Variants in PSD3 observed in about 807,000 individuals in gnomAD.
The protein encoded by PSD3 is pleckstrin and Sec7 domain containing 3.
PSD3 carries 49 observed loss-of-function variants against 105.5 expected under a neutral mutation model. The observed-to-expected ratio is 0.46, with a 90% CI of 0.37 to 0.59. The LOEUF (loss-of-function observed/expected upper bound fraction) is 0.59. PSD3 is among the 20% of genes least tolerant of loss of function. The pLI is 0.00. For synonymous variants in PSD3, 557 were observed against 457.8 expected (o/e 1.22, Z -2.77); for missense variants, 1,561 against 1,263.8 (o/e 1.24, Z -3.57).
intron 8 of PSD3, among the ~76,000 whole-genome samples, chr8:18,776,041 T>C (rs1808039425): frequency 6.6e-6 from 1 of 152,034 alleles, no homozygotes; most frequent in African/African-American, 2.4e-5. Context: ...AAGTTAAGAG[T>C]CTAGTTTGAT....
intron 1 of PSD3, among the ~76,000 whole-genome samples, chr8:19,060,529 G>C (rs1290042862): frequency 6.6e-6 from 1 of 152,132 alleles, no homozygotes; most frequent in African/African-American, 2.4e-5. Context: ...AGCTACTCAG[G>C]AGGCTGAGAC....
chr8:18,556,392 A>C (rs1176533758), intron 14 of PSD3, 40 bp from the exon 15 acceptor site: 3 of 1,588,966 alleles, frequency 1.9e-6, no homozygotes, highest in South Asian at 1.2e-5. Context: ...TCAAAAAAAA[A>C]ACAAGTCAAT....
intron 1 of PSD3, among the ~76,000 whole-genome samples, chr8:18,984,627 T>C (rs2129473002): frequency 6.6e-6 from 1 of 152,358 alleles, no homozygotes; most frequent in Admixed American, 6.5e-5. Flanking sequence ...TTGTGAATTT[T>C]GTAGTCTTAC....
chr8:18,852,052 T>G (rs889168401), intron 4 of PSD3, among the ~76,000 whole-genome samples: 1 of 152,172 alleles, frequency 6.6e-6, no homozygotes, highest in Non-Finnish European at 1.5e-5. Flanking sequence ...AACACTGAAT[T>G]AAATGTAAGA....
intron 2 of PSD3, among the ~76,000 whole-genome samples, chr8:18,906,228 G>A (rs1389424227): frequency 4.6e-5 from 7 of 152,060 alleles, no homozygotes; most frequent in Non-Finnish European, 1.0e-4. Flanking sequence ...TCAAATATCT[G>A]GGTGCTCCAG....
intron 8 of PSD3, among the ~76,000 whole-genome samples, chr8:18,783,140 G>A (rs557102763): frequency 1.3e-5 from 2 of 152,234 alleles, no homozygotes; most frequent in South Asian, 2.1e-4. Context: ...TTCTTTGTAG[G>A]AAGTTTTCTG....
At chr8:18,985,987 G>C (rs1045184656) in intron 1 of PSD3, among the ~76,000 whole-genome samples, 14 of 152,130 alleles carry the variant, frequency 9.2e-5, no homozygotes, top group African/African-American at 2.9e-4. Flanking sequence ...TAAAGACCAA[G>C]ATTACAGTTG....
chr8:18,622,223 A>G (rs1294110267), intron 11 of PSD3, among the ~76,000 whole-genome samples: 1 of 152,248 alleles, frequency 6.6e-6, no homozygotes, highest in African/African-American at 2.4e-5. Context: ...TCTATAAAAG[A>G]ATGTGATTAA....
At chr8:18,609,905 A>G (rs1805124477) in intron 11 of PSD3, among the ~76,000 whole-genome samples, 1 of 152,228 alleles carries the variant, frequency 6.6e-6, no homozygotes, top group Non-Finnish European at 1.5e-5. Context: ...AATCAAGTCC[A>G]AGCTGAGCAA....
chr8:18,842,068 C>G (rs1034709739), intron 4 of PSD3, among the ~76,000 whole-genome samples: 1 of 152,132 alleles, frequency 6.6e-6, no homozygotes, highest in African/African-American at 2.4e-5. Context: ...TCACCATCTT[C>G]CCATGTTAAC....
At chr8:18,840,283 G>A (rs1188690013) in intron 4 of PSD3, among the ~76,000 whole-genome samples, 3 of 152,176 alleles carry the variant, frequency 2.0e-5, no homozygotes, top group African/African-American at 7.2e-5. Context: ...TGTGTGGGGT[G>A]CATTAAACCA....
At position 18,949,221 on chromosome 8, in the gene PSD3, C is replaced by CAAAAA. The variant is rs1213755572; in HGVS notation, c.22-13084_22-13080dup. Among the ~76,000 whole-genome samples, 39 of 11,890 alleles carry CAAAAA rather than the reference C, an allele frequency of 3.3e-3. 3 individuals are homozygous for CAAAAA. Among genetic ancestry groups the CAAAAA allele is most frequent in the South Asian group, 9.4e-3 (1 of 106 alleles). The allele number at this position is 11,890 out of a possible 152,430, so 7.8% of individuals were successfully genotyped here. A position where few individuals can be genotyped will look rare whatever the true frequency, so the allele number is the denominator to read the frequency against. ...TGGGCTACAGATCGAGACTCTGTCT[C>CAAAAA]AAAAAAAAAAAAAAAAAAAAAAAAT... is the stretch of plus-strand genomic sequence containing the variant. On this transcript the variant is annotated intron_variant, in intron 1 of 15. Coordinates refer to ENST00000327040, the MANE Select transcript of PSD3 (RefSeq NM_015310.4).
At chr8:18,830,319 CT>C (rs949295213) in intron 4 of PSD3, among the ~76,000 whole-genome samples, 9 of 152,322 alleles carry the variant, frequency 5.9e-5, no homozygotes, top group African/African-American at 1.9e-4. Context: ...ATATTAAAGC[CT>C]TTAGGTCCTA....
intron 14 of PSD3, among the ~76,000 whole-genome samples, chr8:18,566,396 G>A (rs1177973088): frequency 1.3e-5 from 2 of 151,656 alleles, no homozygotes; most frequent in Admixed American, 6.6e-5. Context: ...TATGGTGGCG[G>A]GCGCCTGTAA....
intron 2 of PSD3, among the ~76,000 whole-genome samples, chr8:18,902,693 A>G (rs1200098088): frequency 1.3e-5 from 2 of 152,168 alleles, no homozygotes; most frequent in Non-Finnish European, 2.9e-5. Flanking sequence ...GTAGGGTTTT[A>G]CTGTGCTGGT....
chr8:18,691,694 G>A (rs796470336), intron 9 of PSD3, among the ~76,000 whole-genome samples: 3 of 152,102 alleles, frequency 2.0e-5, no homozygotes, highest in East Asian at 1.9e-4. Context: ...CAATAAGCCC[G>A]TCCATAATTA....
chr8:18,556,112 C>T, intron 15 of PSD3, 97 bp downstream of exon 15: 1 of 1,400,640 alleles, frequency 7.1e-7, no homozygotes, highest in South Asian at 1.5e-5. Flanking sequence ...GCAAGACACG[C>T]CTCTCTCAGT....
chr8:18,625,660 G>A (rs147992326), intron 11 of PSD3, among the ~76,000 whole-genome samples: 2 of 152,270 alleles, frequency 1.3e-5, no homozygotes, highest in East Asian at 3.9e-4. Flanking sequence ...CATCGGAATT[G>A]CTTTTAACAA....
intron 1 of PSD3, among the ~76,000 whole-genome samples, chr8:19,021,140 T>C (rs1827349362): frequency 6.6e-6 from 1 of 152,154 alleles, no homozygotes; most frequent in Non-Finnish European, 1.5e-5. Context: ...AGTAAGAACA[T>C]GCAGAGGAAT....
Sources: gnomAD v4.1 joint callset for allele counts (sites outside exome capture counted in the v4.1 genomes callset) on GRCh38, gnomAD v4.1.1 for gene constraint, MANE v1.5 for transcripts, NCBI Gene and HGNC (gene_info 2026-07-23, HGNC 2026-07-21) for gene names.